Variants in MRPS27 observed in about 807,000 individuals in gnomAD.
The protein encoded by MRPS27 is mitochondrial ribosomal protein S27, also known as small ribosomal subunit protein mS27.
A neutral mutation model predicts 48.9 loss-of-function variants in MRPS27; 43 were observed. The observed-to-expected ratio is 0.88, with a 90% confidence interval of 0.69 to 1.13. The LOEUF (loss-of-function observed/expected upper bound fraction) is 1.13, where lower values mean the gene tolerates loss of function less well. Among genes scored for constraint, MRPS27 ranks in the 50% most tolerant of loss-of-function variants. The probability of loss-of-function intolerance (pLI) is 0.00; values close to 1 mark genes in which losing one functional copy is unlikely to be tolerated. For missense variants in MRPS27, 467 were observed against 476.3 expected (o/e 0.98, Z 0.18); for synonymous variants, 188 against 171.9 (o/e 1.09, Z -0.73).
At chr5:72,223,225 T>C (rs770636652) in intron 10 of MRPS27, among the ~76,000 whole-genome samples, 45 of 152,300 alleles carry the variant, frequency 3.0e-4, no homozygotes, top group Non-Finnish European at 5.4e-4. Flanking sequence ...AATACAAAGC[T>C]GCCAAAGATG....
rs36063387 is a variant in MRPS27 at position 72,248,669 on chromosome 5, T to TAAA, written c.282-10544_282-10542dup. On this transcript the variant is annotated intron_variant, in intron 4 of 10. Coordinates refer to ENST00000261413, the MANE Select transcript of MRPS27 (RefSeq NM_015084.3). ...TGGTTCCACCCCCACCATTTTCATTTAAAAAAAAAAAAAAAAAAAAAAAAA... is the reference window on the plus strand; with the variant it reads ...TGGTTCCACCCCCACCATTTTCATTTAAAAAAAAAAAAAAAAAAAAAAAAAAAA... 1.7e-3 allele frequency among the ~76,000 whole-genome samples: 122 copies of TAAA among 70,260 alleles called. 1 individual carries two copies. Among genetic ancestry groups the TAAA allele is most frequent in the African/African-American group, 6.6e-3 (100 of 15,132 alleles). The allele number at this position is 70,260 out of a possible 152,430, so 46.1% of individuals were successfully genotyped here.
intron 4 of MRPS27, among the ~76,000 whole-genome samples, chr5:72,245,805 A>G (rs527799563): frequency 6.6e-6 from 1 of 152,310 alleles, no homozygotes; most frequent in Admixed American, 6.5e-5. Context: ...GGATTTCTTT[A>G]GGGGTATTTC....
intron 2 of MRPS27, among the ~76,000 whole-genome samples, chr5:72,303,587 A>C (rs1236032094): frequency 6.6e-6 from 1 of 152,162 alleles, no homozygotes; most frequent in African/African-American, 2.4e-5. Context: ...AGAGGATCTC[A>C]AAAGTGGCCA....
chr5:72,266,241 G>T (rs2112009689), intron 4 of MRPS27, among the ~76,000 whole-genome samples: 1 of 152,238 alleles, frequency 6.6e-6, no homozygotes, highest in South Asian at 2.1e-4. Flanking sequence ...GAATTGAAAA[G>T]ACATTCTCAA....
chr5:72,230,863 C>T (rs1245571519), intron 7 of MRPS27, among the ~76,000 whole-genome samples: 1 of 152,130 alleles, frequency 6.6e-6, no homozygotes, highest in Admixed American at 6.6e-5. Flanking sequence ...TATGTGACCC[C>T]TGCTTCCCTG....
intron 4 of MRPS27, among the ~76,000 whole-genome samples, chr5:72,284,513 G>A (rs1172919819): frequency 6.6e-6 from 1 of 151,754 alleles, no homozygotes; most frequent in African/African-American, 2.4e-5. Flanking sequence ...GGGGAGGGAA[G>A]GGAAGGGAAG....
intron 2 of MRPS27, among the ~76,000 whole-genome samples, chr5:72,299,769 T>G (rs895223787): frequency 6.6e-6 from 1 of 152,228 alleles, no homozygotes; most frequent in Non-Finnish European, 1.5e-5. Context: ...AAATGTTTAC[T>G]TCACATCTTG....
At chr5:72,296,741 CA>C (rs1462703759) in intron 3 of MRPS27, among the ~76,000 whole-genome samples, 2 of 152,146 alleles carry the variant, frequency 1.3e-5, no homozygotes, top group African/African-American at 4.8e-5. Context: ...GACCAGGATT[CA>C]AAAGAAAGGT....
At chr5:72,293,441 A>G (rs759864936) in intron 4 of MRPS27, among the ~76,000 whole-genome samples, 2 of 152,218 alleles carry the variant, frequency 1.3e-5, no homozygotes, top group Non-Finnish European at 2.9e-5. Flanking sequence ...AGTGGCTCAG[A>G]TTTATGATGG....
intron 4 of MRPS27, among the ~76,000 whole-genome samples, chr5:72,274,005 T>C (rs1580088917): frequency 6.6e-6 from 1 of 152,210 alleles, no homozygotes; most frequent in Non-Finnish European, 1.5e-5. Context: ...ATAAGCATTT[T>C]TCTACTTTTA....
At chr5:72,312,316 T>G (rs1268610376) in intron 2 of MRPS27, among the ~76,000 whole-genome samples, 2 of 151,990 alleles carry the variant, frequency 1.3e-5, no homozygotes, top group African/African-American at 4.8e-5. Context: ...TTTGCAACTC[T>G]ATATTGAGGG....
intron 4 of MRPS27, among the ~76,000 whole-genome samples, chr5:72,256,848 T>C (rs1748822127): frequency 6.6e-6 from 1 of 152,246 alleles, no homozygotes; most frequent in Non-Finnish European, 1.5e-5. Context: ...GCAGGCTCTT[T>C]ATAGCCTTAT....
chr5:72,301,857 G>A (rs970112302), intron 2 of MRPS27, among the ~76,000 whole-genome samples: 1 of 152,252 alleles, frequency 6.6e-6, no homozygotes, highest in Non-Finnish European at 1.5e-5. Context: ...GGCCAGGAAA[G>A]CTGGGACAGC....
intron 4 of MRPS27, among the ~76,000 whole-genome samples, chr5:72,289,562 C>T (rs946591056): frequency 6.6e-6 from 1 of 152,056 alleles, no homozygotes; most frequent in Non-Finnish European, 1.5e-5. Flanking sequence ...GTTGGGACTA[C>T]AGGTGTGCAC....
chr5:72,258,401 T>G (rs1407034850), intron 4 of MRPS27, among the ~76,000 whole-genome samples: 2 of 152,174 alleles, frequency 1.3e-5, no homozygotes, highest in East Asian at 1.9e-4. Flanking sequence ...ATCACCTTGT[T>G]TTCATGATTT....
chr5:72,244,580 T>G (rs1748455613), intron 4 of MRPS27, among the ~76,000 whole-genome samples: 1 of 152,234 alleles, frequency 6.6e-6, no homozygotes, highest in South Asian at 2.1e-4. Flanking sequence ...AGAAGACATA[T>G]TTCTGCTTCA....
chr5:72,289,903 C>T (rs1427568234), intron 4 of MRPS27, among the ~76,000 whole-genome samples: 3 of 152,086 alleles, frequency 2.0e-5, no homozygotes, highest in African/African-American at 7.2e-5. Context: ...CAACATGATT[C>T]GAAGGCCTAT....
At chr5:72,287,662 A>AAAG (rs1749709304) in intron 4 of MRPS27, among the ~76,000 whole-genome samples, 1 of 152,158 alleles carries the variant, frequency 6.6e-6, no homozygotes, top group African/African-American at 2.4e-5. Context: ...CAAACAAAAA[A>AAAG]AATTGACAAA....
chr5:72,291,287 G>T (rs1209141181), intron 4 of MRPS27, among the ~76,000 whole-genome samples: 1 of 152,106 alleles, frequency 6.6e-6, no homozygotes, highest in East Asian at 1.9e-4. Context: ...CTAAGCAAAA[G>T]AACCTATTTT....
Sources: allele counts gnomAD v4.1 joint callset (sites outside exome capture counted in the v4.1 genomes callset), GRCh38; gene constraint gnomAD v4.1.1; transcripts MANE v1.5; gene names NCBI Gene and HGNC (gene_info 2026-07-23, HGNC 2026-07-21).